The following XPR1 variants were observed in gnomAD, a reference collection of about 807,000 sequenced individuals.
The protein encoded by XPR1 is solute carrier family 53 member 1.
In XPR1, 28 loss-of-function variants were observed where a neutral mutation model predicts 87.5. The ratio of observed to expected loss-of-function variants is 0.32; its 90% confidence interval spans 0.24 to 0.44. XPR1 has a LOEUF of 0.44. Ranked by LOEUF, XPR1 falls within the 20% of genes least tolerant of loss-of-function variation. XPR1 has a pLI of 1.00. For missense variants in XPR1, 559 were observed against 862.3 expected, an observed-to-expected ratio of 0.65 and a Z score of 4.41; for synonymous variants, 300 against 306.1, an observed-to-expected ratio of 0.98 and a Z score of 0.21.
At chr1:180,882,621 G>T (rs867387572) in intron 14 of XPR1, among the ~76,000 whole-genome samples, 4 of 152,278 alleles carry the variant, frequency 2.6e-5, no homozygotes, top group Middle Eastern at 6.8e-3. Flanking sequence ...CTCCCAAAGT[G>T]CTGGGATTAC....
chr1:180,792,383 A>G (rs1416707779), intron 3 of XPR1, among the ~76,000 whole-genome samples: 1 of 152,226 alleles, frequency 6.6e-6, no homozygotes, highest in Admixed American at 6.5e-5. Context: ...GAATGCTGCT[A>G]AAATTTGGAA....
chr1:180,740,718 C>G (rs1170197571), intron 2 of XPR1, among the ~76,000 whole-genome samples: 1 of 152,134 alleles, frequency 6.6e-6, no homozygotes, highest in Non-Finnish European at 1.5e-5. Flanking sequence ...TTTTGGACTG[C>G]TATGACAGAA....
At chr1:180,883,652 T>C (rs149334269) in intron 14 of XPR1, among the ~76,000 whole-genome samples, 8,063 of 148,820 alleles carry the variant, frequency 0.054, 310 homozygotes, top group Non-Finnish European at 0.079. Flanking sequence ...GAGGTTGCAG[T>C]GAGCTGAGAT....
At chr1:180,720,945 TAGA>T (rs1384984339) in intron 2 of XPR1, among the ~76,000 whole-genome samples, 3 of 152,122 alleles carry the variant, frequency 2.0e-5, no homozygotes, top group Non-Finnish European at 4.4e-5. Context: ...CATTCAAATT[TAGA>T]AGGAGGCCAG....
At chr1:180,746,199 A>G (rs1434869283) in intron 2 of XPR1, among the ~76,000 whole-genome samples, 1 of 152,078 alleles carries the variant, frequency 6.6e-6, no homozygotes, top group Admixed American at 6.6e-5. Context: ...TCCTCACTGA[A>G]TGTTAAGAAA....
intron 3 of XPR1, among the ~76,000 whole-genome samples, 197 bp downstream of exon 3, chr1:180,788,051 A>C (rs1649222163): frequency 1.3e-5 from 2 of 152,200 alleles, no homozygotes; most frequent in African/African-American, 4.8e-5. Flanking sequence ...CATTGCCTAG[A>C]AACTCTTGCA....
chr1:180,872,807 G>A (rs899749739), intron 12 of XPR1, among the ~76,000 whole-genome samples: 2 of 151,848 alleles, frequency 1.3e-5, no homozygotes, highest in South Asian at 2.1e-4. Context: ...GCTGTAGACC[G>A]GAGCTGTTCC....
At chr1:180,837,789 CTGT>C (rs1651354604) in intron 11 of XPR1, among the ~76,000 whole-genome samples, 1 of 152,078 alleles carries the variant, frequency 6.6e-6, no homozygotes, top group African/African-American at 2.4e-5. Flanking sequence ...CTGTGGAATG[CTGT>C]TGTTAAGTCC....
chr1:180,865,803 T>C (rs1161584337), intron 12 of XPR1, among the ~76,000 whole-genome samples: 1 of 152,214 alleles, frequency 6.6e-6, no homozygotes, highest in African/African-American at 2.4e-5. Context: ...TTCACTTAGT[T>C]TCTTTGCTGT....
At chr1:180,688,744 A>G (rs1349913968) in intron 2 of XPR1, among the ~76,000 whole-genome samples, 1 of 152,172 alleles carries the variant, frequency 6.6e-6, no homozygotes, top group African/African-American at 2.4e-5. Context: ...GAACTGTGGA[A>G]AATATAAAGT....
intron 3 of XPR1, among the ~76,000 whole-genome samples, chr1:180,794,967 A>G (rs990436904): frequency 4.6e-5 from 7 of 152,194 alleles, no homozygotes; most frequent in African/African-American, 7.2e-5. Flanking sequence ...AGAATTCCAG[A>G]TAAAAGATAA....
chr1:180,829,442 T>G (rs1650977331), intron 9 of XPR1, among the ~76,000 whole-genome samples: 1 of 152,198 alleles, frequency 6.6e-6, no homozygotes, highest in Non-Finnish European at 1.5e-5. Context: ...CAGAAGGCGA[T>G]ATCAGATAAA....
At chr1:180,710,992 G>C (rs1337672548) in intron 2 of XPR1, among the ~76,000 whole-genome samples, 1 of 151,118 alleles carries the variant, frequency 6.6e-6, no homozygotes, top group Non-Finnish European at 1.5e-5. Context: ...CTGCCGGGCG[G>C]AGGGGCTCCT....
At chr1:180,773,383 GAAGTAGC>G (rs1648594765) in intron 2 of XPR1, among the ~76,000 whole-genome samples, 1 of 152,184 alleles carries the variant, frequency 6.6e-6, no homozygotes, top group Non-Finnish European at 1.5e-5. Flanking sequence ...AAGCTGAAGA[GAAGTAGC>G]ACTGACTCTT....
intron 1 of XPR1, among the ~76,000 whole-genome samples, chr1:180,635,837 AC>A (rs1654740963): frequency 1.3e-5 from 2 of 151,978 alleles, no homozygotes; most frequent in African/African-American, 4.8e-5. Context: ...TAAGCTCACA[AC>A]CCCCGTATTA....
intron 2 of XPR1, among the ~76,000 whole-genome samples, chr1:180,740,839 C>T (rs1024820974): frequency 3.3e-5 from 5 of 152,148 alleles, no homozygotes; most frequent in Non-Finnish European, 7.4e-5. Flanking sequence ...AGCAGATTCC[C>T]ATGTCTGAAG....
chr1:180,685,292 T>C (rs1380708829), intron 2 of XPR1, among the ~76,000 whole-genome samples: 1 of 152,262 alleles, frequency 6.6e-6, no homozygotes, highest in Non-Finnish European at 1.5e-5. Flanking sequence ...TTACATTTAT[T>C]GATTTGCGTA....
intron 2 of XPR1, among the ~76,000 whole-genome samples, chr1:180,785,069 C>A (rs1649090303): frequency 2.3e-5 from 3 of 131,466 alleles, no homozygotes; most frequent in African/African-American, 8.1e-5. Flanking sequence ...ACTCTACCTT[C>A]TTCTGATTAA....
intron 1 of XPR1, among the ~76,000 whole-genome samples, chr1:180,636,792 C>CT (rs1488689795): frequency 6.6e-6 from 1 of 152,140 alleles, no homozygotes; most frequent in Non-Finnish European, 1.5e-5. Flanking sequence ...TGGCTCACGC[C>CT]TGTAATCCCA....
Sources: gnomAD v4.1 joint callset for allele counts (sites outside exome capture counted in the v4.1 genomes callset) on GRCh38, gnomAD v4.1.1 for gene constraint, MANE v1.5 for transcripts, NCBI Gene and HGNC (gene_info 2026-07-23, HGNC 2026-07-21) for gene names.